The following WWOX variants were observed in gnomAD, a reference collection of about 807,000 sequenced individuals.
The protein encoded by WWOX is WW domain-containing oxidoreductase.
In WWOX, 69 loss-of-function variants were observed where a neutral mutation model predicts 46.2. The observed-to-expected ratio is 1.49, with a 90% confidence interval of 1.23 to 1.82. The LOEUF is 1.82. Ranked by LOEUF, WWOX falls within the 40% of genes most tolerant of loss-of-function variation. The pLI, the probability that WWOX is intolerant of heterozygous loss-of-function variation, is 0.00. For synonymous variants in WWOX, 359 were observed against 202.6 expected, an observed-to-expected ratio of 1.77 and a Z score of -6.56; for missense variants, 919 against 542.6, an observed-to-expected ratio of 1.69 and a Z score of -6.89.
At chr16:78,721,481 G>C (rs1179406151) in intron 8 of WWOX, among the ~76,000 whole-genome samples, 4 of 152,194 alleles carry the variant, frequency 2.6e-5, no homozygotes, top group Middle Eastern at 3.2e-3. Flanking sequence ...TCAGCCATCA[G>C]ACAGAAACTC....
At chr16:78,258,276 A>G (rs778086643) in intron 5 of WWOX, among the ~76,000 whole-genome samples, 18 of 152,312 alleles carry the variant, frequency 1.2e-4, no homozygotes, top group Non-Finnish European at 1.2e-4. Flanking sequence ...AGCAAATTCT[A>G]CCGTATATTG....
At chr16:79,009,164 C>G (rs778745724) in intron 8 of WWOX, among the ~76,000 whole-genome samples, 78 of 152,220 alleles carry the variant, frequency 5.1e-4, no homozygotes, top group Non-Finnish European at 9.1e-4. Flanking sequence ...AAGGCCCATT[C>G]ACTAGGTGAG....
At chr16:78,753,028 C>G (rs182801460) in intron 8 of WWOX, among the ~76,000 whole-genome samples, 13 of 152,306 alleles carry the variant, frequency 8.5e-5, no homozygotes, top group African/African-American at 3.1e-4. Flanking sequence ...GGCACGGTAG[C>G]TCACGCCTAT....
intron 5 of WWOX, among the ~76,000 whole-genome samples, chr16:78,277,761 G>A (rs4243147): frequency 0.72 from 109,351 of 151,658 alleles, 41,080 homozygotes; most frequent in East Asian, 1. Flanking sequence ...CAGTTTAACA[G>A]ATTCCCCCCG....
rs190817786 is a variant in WWOX at position 78,819,019 on chromosome 16, T to C, written c.1056+386267T>C. On this transcript the variant is annotated intron_variant, in intron 8 of 8. Transcript: ENST00000566780. ...TGCTTAGCTCTAGAATGGAGGCTTG[T>C]TGAGAAAATTAAATGGAAACGATAA... Among the ~76,000 whole-genome samples, 18 of 152,260 alleles carry C rather than the reference T, an allele frequency of 1.2e-4. No homozygotes were observed. In the East Asian group the frequency reaches 3.3e-3, roughly 28 times the overall value.
intron 8 of WWOX, among the ~76,000 whole-genome samples, chr16:78,612,268 G>C (rs1001242560): frequency 2.6e-5 from 4 of 152,310 alleles, no homozygotes; most frequent in Non-Finnish European, 5.9e-5. Flanking sequence ...GTTTGTGAAG[G>C]ATGGCAAAGT....
chr16:78,702,906 G>A (rs1204188080), intron 8 of WWOX, among the ~76,000 whole-genome samples: 1 of 152,130 alleles, frequency 6.6e-6, no homozygotes, highest in Non-Finnish European at 1.5e-5. Flanking sequence ...TTATATAGGA[G>A]CTTCTGGAAA....
At chr16:78,841,310 G>A (rs772887282) in intron 8 of WWOX, among the ~76,000 whole-genome samples, 1 of 152,174 alleles carries the variant, frequency 6.6e-6, no homozygotes, top group African/African-American at 2.4e-5. Flanking sequence ...AATGTGATCT[G>A]TCTACATATG....
chr16:78,370,366 T>G (rs1431153642), intron 5 of WWOX, among the ~76,000 whole-genome samples: 1 of 152,146 alleles, frequency 6.6e-6, no homozygotes, highest in Non-Finnish European at 1.5e-5. Flanking sequence ...ACATAGTAAG[T>G]ACTGTGTAAG....
chr16:78,202,255 G>A (rs760677273), intron 5 of WWOX, among the ~76,000 whole-genome samples: 1 of 152,228 alleles, frequency 6.6e-6, no homozygotes, highest in Admixed American at 6.5e-5. Flanking sequence ...TGGAAGAGTT[G>A]TTGGTCCTGG....
intron 8 of WWOX, among the ~76,000 whole-genome samples, chr16:78,919,255 C>T (rs1186786399): frequency 6.6e-6 from 1 of 151,994 alleles, no homozygotes; most frequent in African/African-American, 2.4e-5. Context: ...GAGACACCCC[C>T]CCACTCTTAG....
intron 6 of WWOX, among the ~76,000 whole-genome samples, chr16:78,396,526 C>T (rs960853225): frequency 6.6e-6 from 1 of 152,136 alleles, no homozygotes; most frequent in African/African-American, 2.4e-5. Context: ...AAAAACCACG[C>T]TTTGGAGGGT....
At chr16:79,125,468 C>G (rs2049732141) in intron 8 of WWOX, among the ~76,000 whole-genome samples, 1 of 152,206 alleles carries the variant, frequency 6.6e-6, no homozygotes, top group Non-Finnish European at 1.5e-5. Context: ...ATTACGCTTT[C>G]TTTCATGTGG....
At chr16:78,617,798 C>T (rs914465003) in intron 8 of WWOX, among the ~76,000 whole-genome samples, 1 of 152,180 alleles carries the variant, frequency 6.6e-6, no homozygotes, top group Non-Finnish European at 1.5e-5. Flanking sequence ...TCCAGCATCC[C>T]AGGAACTCCG....
At chr16:78,711,997 C>T (rs765659361) in intron 8 of WWOX, among the ~76,000 whole-genome samples, 4 of 152,150 alleles carry the variant, frequency 2.6e-5, no homozygotes, top group South Asian at 2.1e-4. Flanking sequence ...TGTGCTAGTT[C>T]GGCAAAGAAG....
intron 5 of WWOX, among the ~76,000 whole-genome samples, chr16:78,250,667 G>C (rs1462040376): frequency 6.6e-6 from 1 of 152,084 alleles, no homozygotes; most frequent in Non-Finnish European, 1.5e-5. Context: ...TACATATAGG[G>C]GAGAGAGTCC....
intron 8 of WWOX, among the ~76,000 whole-genome samples, chr16:79,041,887 A>G (rs897274880): frequency 6.6e-6 from 1 of 152,054 alleles, no homozygotes. Flanking sequence ...ACACGTGTTT[A>G]GAGAAACTGG....
At chr16:78,458,510 C>T (rs926056042) in intron 8 of WWOX, among the ~76,000 whole-genome samples, 1 of 152,118 alleles carries the variant, frequency 6.6e-6, no homozygotes, top group African/African-American at 2.4e-5. Flanking sequence ...ATCCTCCCAC[C>T]TCAGTCTCAC....
chr16:79,171,083 A>T (rs546314415), intron 8 of WWOX, among the ~76,000 whole-genome samples: 4 of 152,286 alleles, frequency 2.6e-5, no homozygotes, highest in Admixed American at 2.6e-4. Flanking sequence ...AGTGGTGATT[A>T]TTTGCTGACC....
Sources: allele counts gnomAD v4.1 joint callset (sites outside exome capture counted in the v4.1 genomes callset), GRCh38; gene constraint gnomAD v4.1.1; transcripts MANE v1.5; gene names NCBI Gene and HGNC (gene_info 2026-07-23, HGNC 2026-07-21).